Variants in HEPH observed in about 807,000 individuals in gnomAD.
HEPH encodes hephaestin.
Under a neutral mutation model 80.8 loss-of-function variants are expected in HEPH, and 69 were observed. The observed-to-expected ratio is 0.85, with a 90% confidence interval of 0.70 to 1.04. The LOEUF (loss-of-function observed/expected upper bound fraction) is 1.04, where lower values mean the gene tolerates loss of function less well. Ranked by LOEUF, HEPH falls within the 50% of genes least tolerant of loss-of-function variation. The probability of loss-of-function intolerance (pLI) is 0.00; values close to 1 mark genes in which losing one functional copy is unlikely to be tolerated. For missense variants in HEPH, 1,115 were observed against 891.3 expected (o/e 1.25, Z -3.20); for synonymous variants, 431 against 322.8 (o/e 1.34, Z -3.60).
At chrX:66,211,889 T>C in intron 15 of HEPH, among the ~76,000 whole-genome samples, 1 of 111,827 alleles carries the variant, frequency 8.9e-6, no homozygotes, top group East Asian at 2.8e-4. Flanking sequence ...AGTAATTTTT[T>C]AGTTTTTTTA....
chrX:66,266,801 A>T lies in HEPH; in HGVS notation c.*129A>T. 2 of 445,131 alleles carry T rather than the reference A, an allele frequency of 4.5e-6. No homozygotes were observed. Among genetic ancestry groups the T allele is most frequent in the Non-Finnish European group, 7.8e-6 (2 of 255,294 alleles). 36.7% of individuals were successfully genotyped at this position (445,131 alleles called of 1,213,427 possible). A position where few individuals can be genotyped will look rare whatever the true frequency, so the allele number is the denominator to read the frequency against. On this transcript the variant is annotated 3_prime_UTR_variant, in exon 21 of 21. Transcript: ENST00000343002. ...AGAAGCAGAAGGAGCAATCAAGCTT[A>T]TCTGGATATTTCTTTCTTTATTTAT...
intron 11 of HEPH, 88 bp from the exon 12 acceptor site, chrX:66,200,452 A>G (rs974062080): frequency 2.9e-5 from 21 of 726,842 alleles, no homozygotes; most frequent in Non-Finnish European, 3.2e-5. Flanking sequence ...GTGTGAAACC[A>G]TAGTACATAG....
upstream of HEPH, among the ~76,000 whole-genome samples, chrX:66,163,684 G>A (rs1428703483): frequency 9.0e-6 from 1 of 111,171 alleles, no homozygotes; most frequent in Non-Finnish European, 1.9e-5. Context: ...TAAAAGTTTA[G>A]ACAGACCCAG....
At position 66,202,938 on chromosome X, in the gene HEPH, T is replaced by TATATATATATAC. The variant is rs1419712201; in HGVS notation, c.2078-425_2078-424insTATATATATACA. Among the ~76,000 whole-genome samples the TATATATATATAC allele has an allele frequency of 8.3e-5, 8 of 96,818 alleles. No homozygotes were observed. The Admixed American group carries it at 9.1e-4, about 11-fold the overall frequency. The allele number at this position is 96,818 out of a possible 115,157, so 84.1% of individuals were successfully genotyped here. A position where few individuals can be genotyped will look rare whatever the true frequency, so the allele number is the denominator to read the frequency against. ...ATATATATATATATATATATATATA[T>TATATATATATAC]ACACACACACACACACACATAATAT... On this transcript the variant is annotated intron_variant, in intron 12 of 20. Transcript: ENST00000343002.
intron 11 of HEPH, 48 bp from the exon 12 acceptor site, chrX:66,200,492 G>C (rs368361439): frequency 9.7e-7 from 1 of 1,028,770 alleles, no homozygotes; most frequent in East Asian, 3.3e-5. Flanking sequence ...CAGTGCTGGA[G>C]TAGTCTGGTC....
chrX:66,228,074 A>G, intron 15 of HEPH, among the ~76,000 whole-genome samples: 1 of 111,903 alleles, frequency 8.9e-6, no homozygotes, highest in Non-Finnish European at 1.9e-5. Flanking sequence ...AAGAGGTTTA[A>G]TGGACTCACA....
chrX:66,175,481 G>A (rs753541156), intron 4 of HEPH, among the ~76,000 whole-genome samples: 3 of 111,630 alleles, frequency 2.7e-5, no homozygotes, highest in Non-Finnish European at 5.7e-5. Flanking sequence ...TCTTGCTTTG[G>A]CTATGCAGGC....
chrX:66,169,531 A>T (rs1385566356), intron 1 of HEPH, among the ~76,000 whole-genome samples: 1 of 111,918 alleles, frequency 8.9e-6, no homozygotes, highest in Non-Finnish European at 1.9e-5. Flanking sequence ...CTTGGGTCTG[A>T]TTCTGACTCA....
chrX:66,212,186 GTTTTT>G (rs34500733), intron 15 of HEPH, among the ~76,000 whole-genome samples: 1 of 93,879 alleles, frequency 1.1e-5, no homozygotes, highest in African/African-American at 3.7e-5. Context: ...TTTTTAATGT[GTTTTT>G]TTTTTTTTTC....
intron 15 of HEPH, among the ~76,000 whole-genome samples, chrX:66,231,848 C>G (rs1303713561): frequency 9.3e-6 from 1 of 108,002 alleles, no homozygotes; most frequent in Admixed American, 9.8e-5. Context: ...GCATCCCTGT[C>G]TTGTGCCAGT....
intron 15 of HEPH, among the ~76,000 whole-genome samples, chrX:66,234,309 C>T (rs2090272644): frequency 9.0e-6 from 1 of 111,072 alleles, no homozygotes; most frequent in Non-Finnish European, 1.9e-5. Context: ...AAAAAAAATC[C>T]AATCTACTAT....
At chrX:66,220,143 T>A (rs1382077282) in intron 15 of HEPH, among the ~76,000 whole-genome samples, 1 of 111,239 alleles carries the variant, frequency 9.0e-6, no homozygotes, top group Non-Finnish European at 1.9e-5. Context: ...GGTCTGTAGG[T>A]ACTAATTATT....
chrX:66,268,210 T>G (rs1477820637), downstream of HEPH: 1 of 112,118 alleles, frequency 8.9e-6, no homozygotes, highest in African/African-American at 3.2e-5. Context: ...TCCACTAATC[T>G]CCATCCACCT....
At chrX:66,258,185 C>A (rs1321587470) in intron 17 of HEPH, among the ~76,000 whole-genome samples, 3 of 111,401 alleles carry the variant, frequency 2.7e-5, no homozygotes, top group Non-Finnish European at 5.6e-5. Context: ...GGGATGTAAG[C>A]TTTCACGCAT....
intron 13 of HEPH, 118 bp from the exon 14 acceptor site, chrX:66,207,077 C>CT: frequency 8.1e-6 from 4 of 493,371 alleles, no homozygotes; most frequent in Non-Finnish European, 9.3e-6. Context: ...AGGTCCCCCC[C>CT]CTTTTTTTTT....
intron 11 of HEPH, among the ~76,000 whole-genome samples, 162 bp downstream of exon 11, chrX:66,199,190 CTT>C (rs1285957319): frequency 8.9e-6 from 1 of 112,216 alleles, no homozygotes; most frequent in Non-Finnish European, 1.9e-5. Context: ...AGATCTTATA[CTT>C]AGTACCTTTG....
At chrX:66,201,680 A>T (rs2088461497) in intron 12 of HEPH, among the ~76,000 whole-genome samples, 1 of 111,367 alleles carries the variant, frequency 9.0e-6, no homozygotes, top group Admixed American at 9.5e-5. Flanking sequence ...GGGGGGAAAA[A>T]CATCCTTGAA....
chrX:66,263,940 G>T (rs1265744890), intron 20 of HEPH, among the ~76,000 whole-genome samples: 2 of 110,739 alleles, frequency 1.8e-5, no homozygotes, highest in Non-Finnish European at 3.8e-5. Context: ...CCATTTAAAG[G>T]CTGCTGTCTT....
chrX:66,193,643 G>T lies in HEPH; in HGVS notation c.1369+5G>T. 8.6e-7 allele frequency: 1 copy of T among 1,165,064 alleles called. No homozygotes were observed. Among genetic ancestry groups the T allele is most frequent in the South Asian group, 2.0e-5 (1 of 49,967 alleles). ...ATAGGCATCTTGGAATCCTGGGTGAGGAATTTTTAAATTATGAAATTCATT... is the reference window on the plus strand; with the variant it reads ...ATAGGCATCTTGGAATCCTGGGTGATGAATTTTTAAATTATGAAATTCATT... On this transcript the variant is annotated splice_donor_5th_base_variant and intron_variant, in intron 8 of 20. Transcript: ENST00000343002.
Sources: allele counts gnomAD v4.1 joint callset (sites outside exome capture counted in the v4.1 genomes callset), GRCh38; gene constraint gnomAD v4.1.1; transcripts MANE v1.5; gene names NCBI Gene and HGNC (gene_info 2026-07-23, HGNC 2026-07-21).